MED20: variants seen among roughly 807,000 people sequenced by gnomAD.
The protein encoded by MED20 is mediator complex subunit 20, also known as mediator of RNA polymerase II transcription subunit 20.
In MED20, 19 loss-of-function variants were observed where a neutral mutation model predicts 19.7. That is an observed-to-expected ratio of 0.96 (90% CI 0.67 to 1.42). MED20 has a LOEUF of 1.42. Ranked by LOEUF, MED20 falls within the 40% of genes most tolerant of loss-of-function variation. The probability of loss-of-function intolerance (pLI) is 0.00; values close to 1 mark genes in which losing one functional copy is unlikely to be tolerated. For synonymous variants in MED20, 105 were observed against 104.8 expected (o/e 1.00, Z -0.01); for missense variants, 225 against 273.0 (o/e 0.82, Z 1.24).
chr6:41,906,172 A>C lies in MED20; in HGVS notation c.*900T>G, dbSNP rs912641816. ...GGTTCTATGTCCCAGCATCTCTTTC[A>C]GCAAAGTGTGGCCACAGTGATCTGA... On this transcript the variant is annotated 3_prime_UTR_variant, in exon 4 of 4. Transcript: ENST00000265350. 6.6e-6 allele frequency: 1 copy of C among 152,236 alleles called. No homozygotes were observed. The highest frequency in any genetic ancestry group is 3.2e-3 in the Middle Eastern group (1 of 316). The allele number at this position is 152,236 out of a possible 1,614,324, so 9.4% of individuals were successfully genotyped here. A position where few individuals can be genotyped will look rare whatever the true frequency, so the allele number is the denominator to read the frequency against.
In MED20 at chr6:41,906,534, A is replaced by G. The variant is rs538986020; in HGVS notation, c.*538T>C. ...CTCAGGCAACACCCTAGGAAAGTCAATTCGCAAATCACTTCAGCAAACAGG... is the reference window on the plus strand; with the variant it reads ...CTCAGGCAACACCCTAGGAAAGTCAGTTCGCAAATCACTTCAGCAAACAGG... On this transcript the variant is annotated 3_prime_UTR_variant, in exon 4 of 4. Coordinates refer to ENST00000265350, the MANE Select transcript of MED20 (RefSeq NM_004275.5). 6.5e-6 allele frequency: 1 copy of G among 153,692 alleles called. No individual in the cohort carries two copies. Among genetic ancestry groups the G allele is most frequent in the South Asian group, 2.0e-4 (1 of 4,932 alleles). The allele number at this position is 153,692 out of a possible 1,614,324, so 9.5% of individuals were successfully genotyped here.
intron 2 of MED20, 61 bp from the exon 3 acceptor site, chr6:41,909,583 G>A (rs1355389706): frequency 7.6e-6 from 12 of 1,583,790 alleles, no homozygotes; most frequent in Non-Finnish European, 1.7e-6. Flanking sequence ...CCAGAGTAGA[G>A]TCAAATGACT....
At chr6:41,910,403 G>A (rs575411543) in intron 2 of MED20, among the ~76,000 whole-genome samples, 2 of 152,108 alleles carry the variant, frequency 1.3e-5, no homozygotes, top group East Asian at 1.9e-4. Flanking sequence ...AGGCTGAGGC[G>A]GGTGGATCAC....
Position 41,913,613 on chromosome 6 carries a change from T to G in MED20, c.169+3172A>C, listed in dbSNP as rs560945872. Among the ~76,000 whole-genome samples the G allele has an allele frequency of 2.6e-5, 4 of 152,322 alleles. No individual in the cohort carries two copies. In the South Asian group the frequency reaches 8.3e-4, roughly 32 times the overall value. The stretch of plus-strand genomic sequence containing the variant: ...ACTAAATATTACTTTAAATATTACA[T>G]GACAGGCTGGGTGCAGTGGCTCATG... On this transcript the variant is annotated intron_variant, in intron 2 of 3. Coordinates refer to ENST00000265350, the MANE Select transcript of MED20 (RefSeq NM_004275.5).
chr6:41,916,983 G>A (rs760658628), intron 1 of MED20, 44 bp from the exon 2 acceptor site: 18 of 1,608,332 alleles, frequency 1.1e-5, no homozygotes, highest in African/African-American at 2.7e-5. Context: ...AGAGACACAC[G>A]TGTGCTCACT....
At position 41,909,091 on chromosome 6, in the gene MED20, T is replaced by C. The variant is rs1775124146; in HGVS notation, c.423+178A>G. ...TGGGAGACTGAGGCGGAAGGATCAC[T>C]TGAGCCCTGGAGGTCGAGGCTACAG... On this transcript the variant is annotated intron_variant, in intron 3 of 3. Coordinates refer to ENST00000265350, the MANE Select transcript of MED20 (RefSeq NM_004275.5). The C allele has an allele frequency of 1.0e-5, 8 of 768,282 alleles. No individual in the cohort carries two copies. In the Admixed American group the frequency reaches 2.2e-4, roughly 21 times the overall value. The allele number at this position is 768,282 out of a possible 1,614,324, so 47.6% of individuals were successfully genotyped here.
In MED20 at chr6:41,917,773, G is replaced by A. The variant is rs150043896; in HGVS notation, c.15-834C>T. On this transcript the variant is annotated intron_variant, in intron 1 of 3. Transcript: ENST00000265350. ...TGACTACATCAAGGGAAAAGTCTCC[G>A]TTTGGGTTAACATGTTTTTACCAAC... The A allele has an allele frequency of 1.0e-3, 492 of 471,356 alleles. 3 individuals are homozygous for A. Among genetic ancestry groups the A allele is most frequent in the African/African-American group, 8.4e-3 (424 of 50,200 alleles). The allele number at this position is 471,356 out of a possible 1,614,324, so 29.2% of individuals were successfully genotyped here.
At chr6:41,918,373 G>A (rs1203025419) in intron 1 of MED20, among the ~76,000 whole-genome samples, 1 of 151,840 alleles carries the variant, frequency 6.6e-6, no homozygotes, top group African/African-American at 2.4e-5. Flanking sequence ...GCATGGTGGT[G>A]TGCGCCTGTA....
intron 2 of MED20, among the ~76,000 whole-genome samples, chr6:41,910,371 C>G (rs1044549185): frequency 6.6e-6 from 1 of 152,178 alleles, no homozygotes; most frequent in Non-Finnish European, 1.5e-5. Context: ...GTGGCTCCCA[C>G]CCGTAATCCC....
At chr6:41,919,282 C>T (rs1775398418) in intron 1 of MED20, among the ~76,000 whole-genome samples, 1 of 152,146 alleles carries the variant, frequency 6.6e-6, no homozygotes, top group Admixed American at 6.5e-5. Flanking sequence ...ACTAACTAGA[C>T]TGCCTGTATA....
At chr6:41,914,188 A>G (rs1249782754) in intron 2 of MED20, among the ~76,000 whole-genome samples, 2 of 152,206 alleles carry the variant, frequency 1.3e-5, no homozygotes, top group African/African-American at 2.4e-5. Context: ...GAAAAAGAAA[A>G]TATGTGCTGT....
intron 2 of MED20, among the ~76,000 whole-genome samples, chr6:41,912,329 A>C (rs1582057928): frequency 7.2e-6 from 1 of 138,402 alleles, no homozygotes; most frequent in African/African-American, 2.8e-5. Flanking sequence ...GGTATGAGCC[A>C]CTGCACTCAG....
Position 41,905,600 on chromosome 6 carries a change from A to G in MED20, c.*1472T>C, listed in dbSNP as rs1485885859. The G allele has an allele frequency of 1.3e-5, 2 of 152,224 alleles. No homozygotes were observed. The highest frequency in any genetic ancestry group is 6.5e-5 in the Admixed American group (1 of 15,286). The allele number at this position is 152,224 out of a possible 1,614,324, so 9.4% of individuals were successfully genotyped here. A position where few individuals can be genotyped will look rare whatever the true frequency, so the allele number is the denominator to read the frequency against. On this transcript the variant is annotated 3_prime_UTR_variant, in exon 4 of 4. Coordinates refer to ENST00000265350, the MANE Select transcript of MED20 (RefSeq NM_004275.5). Reference sequence around the variant, plus strand: ...AAACAGTTTCTCTTTAGATGCCTTCAAATAAGGGACAGTATCCTTGATGAC... The same window carrying G: ...AAACAGTTTCTCTTTAGATGCCTTCGAATAAGGGACAGTATCCTTGATGAC...
At chr6:41,909,120 G>A (rs1775125196) in intron 3 of MED20, 149 bp downstream of exon 3, 1 of 1,062,098 alleles carries the variant, frequency 9.4e-7, no homozygotes, top group African/African-American at 1.6e-5. Flanking sequence ...GCTACAGTGT[G>A]CCAAGATTGT....
chr6:41,919,575 T>C (rs957604587), intron 1 of MED20, among the ~76,000 whole-genome samples: 8 of 152,172 alleles, frequency 5.3e-5, no homozygotes, highest in Non-Finnish European at 1.0e-4. Context: ...CCTAGGATTC[T>C]GAAAACGTTG....
At chr6:41,919,929 C>T (rs1775416581) in intron 1 of MED20, among the ~76,000 whole-genome samples, 1 of 152,130 alleles carries the variant, frequency 6.6e-6, no homozygotes, top group Non-Finnish European at 1.5e-5. Context: ...ACCTGGGCTA[C>T]CAGGAGGAAA....
intron 1 of MED20, chr6:41,917,648 G>A (rs1436946971): frequency 1.4e-5 from 6 of 414,476 alleles, no homozygotes; most frequent in South Asian, 1.0e-4. Context: ...GCGTTCTCAA[G>A]TGTGGCATGC....
intron 1 of MED20, among the ~76,000 whole-genome samples, chr6:41,920,427 G>C (rs1422443284): frequency 6.6e-6 from 1 of 152,148 alleles, no homozygotes; most frequent in East Asian, 1.9e-4. Flanking sequence ...CCTGTCTGCA[G>C]GTGGGTCATA....
intron 2 of MED20, among the ~76,000 whole-genome samples, chr6:41,911,433 G>C (rs1054502261): frequency 6.6e-6 from 1 of 152,102 alleles, no homozygotes; most frequent in African/African-American, 2.4e-5. Context: ...TTCCAGGCAT[G>C]AGCCGCCACG....
Sources: allele counts gnomAD v4.1 joint callset (sites outside exome capture counted in the v4.1 genomes callset), GRCh38; gene constraint gnomAD v4.1.1; transcripts MANE v1.5; gene names NCBI Gene and HGNC (gene_info 2026-07-23, HGNC 2026-07-21).